Variants in MMP17 observed in about 807,000 individuals in gnomAD.
MMP17 encodes the protein matrix metallopeptidase 17, also known as matrix metalloproteinase-17.
A neutral mutation model predicts 49.1 loss-of-function variants in MMP17; 54 were observed. That is an observed-to-expected ratio of 1.10 (90% CI 0.88 to 1.38). The LOEUF is 1.38. Among genes scored for constraint, MMP17 ranks in the 40% most tolerant of loss-of-function variants. MMP17 has a pLI of 0.00. For synonymous variants in MMP17, 397 were observed against 383.1 expected (o/e 1.04, Z -0.42); for missense variants, 837 against 853.7 (o/e 0.98, Z 0.24).
chr12:131,834,823 CAG>C (rs1886997040), intron 1 of MMP17, among the ~76,000 whole-genome samples: 1 of 152,124 alleles, frequency 6.6e-6, no homozygotes, highest in South Asian at 2.1e-4. Flanking sequence ...AGCCAGGAAT[CAG>C]CCGCCCCCTC....
chr12:131,834,135 G>A (rs1166060385), intron 1 of MMP17, among the ~76,000 whole-genome samples: 1 of 152,220 alleles, frequency 6.6e-6, no homozygotes, highest in East Asian at 1.9e-4. Flanking sequence ...TCTGGCCTCT[G>A]TGTCCCCATC....
chr12:131,840,761 G>T lies in MMP17; in HGVS notation c.611G>T (p.Gly204Val). ...HNDGYPFDGP[G>V]GTVAHAFFPG... is the part of the protein sequence containing the mutation. ...GACGGCTACCCCTTCGACGGCCCCG[G>T]CGGCACCGTGGCCCACGCCTTCTTC... Residue 204 changes from glycine to valine, a missense_variant, in exon 4 of 10, where the codon GGC becomes GTC. Physicochemically the swap from Gly to Val is moderately radical, Grantham distance 109. Transcript: ENST00000360564. The T allele has an allele frequency of 6.2e-7, 1 of 1,604,620 alleles. No homozygotes were observed. The highest frequency in any genetic ancestry group is 8.5e-7 in the Non-Finnish European group (1 of 1,179,844).
chr12:131,850,978 C>A lies in MMP17; in HGVS notation c.1516C>A (p.Leu506Met). Reference protein sequence around the residue: ...QEYWKVLDGELEVAPGYPQST... With the variant: ...QEYWKVLDGEMEVAPGYPQST... The stretch of plus-strand genomic sequence containing the variant: ...GTACTGGAAAGTGCTGGATGGCGAG[C>A]TGGAGGTGGCACCCGGGTACCCACA... The change falls in exon 10 of 10, where the codon CTG becomes ATG. Residue 506 changes from leucine (L) to methionine (M), a missense_variant. Transcript: ENST00000360564. 1.3e-6 allele frequency: 2 copies of A among 1,555,438 alleles called. No individual in the cohort carries two copies. Among genetic ancestry groups the A allele is most frequent in the Non-Finnish European group, 1.7e-6 (2 of 1,152,632 alleles).
At chr12:131,839,209 G>A (rs145972252) in intron 3 of MMP17, among the ~76,000 whole-genome samples, 3 of 152,128 alleles carry the variant, frequency 2.0e-5, no homozygotes, top group Admixed American at 6.5e-5. Context: ...CCCTGTCCGC[G>A]CGCAGCCTCC....
At position 131,851,095 on chromosome 12, in the gene MMP17, C is replaced by T. The variant is rs1416392161; in HGVS notation, c.1633C>T (p.Pro545Ser). The change falls in exon 10 of 10, where the codon CCT becomes TCT. Residue 545 changes from proline (P) to serine (S), a missense_variant. By Grantham distance (74) the Pro-to-Ser change is moderately conservative (BLOSUM62 -1). Coordinates refer to ENST00000360564, the MANE Select transcript of MMP17 (RefSeq NM_016155.7). ...GVDAAEGPRAPPGQHDQSRSE... is the reference protein window; with the variant it reads ...GVDAAEGPRASPGQHDQSRSE... ...GGACGCGGCAGAGGGGCCCCGCGCC[C>T]CTCCAGGACAACATGACCAGAGCCG... 3 of 1,601,248 alleles carry T rather than the reference C, an allele frequency of 1.9e-6. No individual in the cohort carries two copies. The highest frequency in any genetic ancestry group is 3.4e-5 in the Admixed American group (2 of 58,298).
At chr12:131,840,540 C>A (rs757787969) in intron 3 of MMP17, 33 bp from the exon 4 acceptor site, 1 of 1,542,060 alleles carries the variant, frequency 6.5e-7, no homozygotes, top group South Asian at 1.2e-5. Context: ...GCCTGTTCTC[C>A]GTGACTCACT....
chr12:131,840,722 AGGCCGACCATAACGAC>A lies in MMP17; in HGVS notation c.576_591del (p.Asp193ThrfsTer59). ...GCCGACATCCAGATCGACTTCTCCAAGGCCGACCATAACGACGGCTACCCCTTCGACGGCCCCGGCG... is the reference window on the plus strand; with the variant it reads ...GCCGACATCCAGATCGACTTCTCCAAGGCTACCCCTTCGACGGCCCCGGCG... On this transcript the variant is annotated frameshift_variant, in exon 4 of 10. Coordinates refer to ENST00000360564, the MANE Select transcript of MMP17 (RefSeq NM_016155.7). LOFTEE classifies it high-confidence loss of function. The A allele has an allele frequency of 6.2e-7, 1 of 1,604,914 alleles. No individual in the cohort carries two copies. The highest frequency in any genetic ancestry group is 1.6e-4 in the Middle Eastern group (1 of 6,062).
intron 4 of MMP17, among the ~76,000 whole-genome samples, chr12:131,841,166 G>A (rs976774073): frequency 2.6e-5 from 4 of 152,206 alleles, no homozygotes; most frequent in South Asian, 2.1e-4. Flanking sequence ...TGTCACTCCC[G>A]CTAAGTCCCG....
rs1433003469 is a variant in MMP17, at chr12:131,845,117, G to A, written c.969-1G>A. The A allele has an allele frequency of 6.3e-7, 1 of 1,599,172 alleles. No homozygotes were observed. On this transcript the variant is annotated splice_acceptor_variant, in intron 6 of 9. Coordinates refer to ENST00000360564, the MANE Select transcript of MMP17 (RefSeq NM_016155.7). LOFTEE classifies it high-confidence loss of function. ...CAGCCCACCTGGCTCTCTCCCTGCA[G>A]GCCCAGGAAGGACGTGCCCCACAGA...
intron 2 of MMP17, 44 bp downstream of exon 2, chr12:131,838,371 G>A: frequency 1.2e-6 from 2 of 1,600,066 alleles, no homozygotes; most frequent in South Asian, 1.1e-5. Context: ...GCCCCCGTCA[G>A]GTCTGCGCCC....
chr12:131,830,701 TCAGAGCTGCAGA>T (rs913746608), intron 1 of MMP17, among the ~76,000 whole-genome samples: 30 of 152,190 alleles, frequency 2.0e-4, no homozygotes, highest in African/African-American at 6.7e-4. Context: ...CTCCTTTGTC[TCAGAGCTGCAGA>T]CAGAGCTGCA....
At chr12:131,842,438 C>T (rs563360723) in intron 5 of MMP17, among the ~76,000 whole-genome samples, 13 of 152,222 alleles carry the variant, frequency 8.5e-5, no homozygotes, top group Non-Finnish European at 1.3e-4. Context: ...GCTCTGACAT[C>T]CATGCATCGT....
chr12:131,845,222 C>A (rs373857133), intron 7 of MMP17, 22 bp downstream of exon 7: 1 of 1,613,898 alleles, frequency 6.2e-7, no homozygotes, highest in East Asian at 2.2e-5. Flanking sequence ...GTTCCCGTGG[C>A]GGTTGGCTGA....
chr12:131,834,303 C>T (rs949550566), intron 1 of MMP17, among the ~76,000 whole-genome samples: 1 of 152,196 alleles, frequency 6.6e-6, no homozygotes, highest in African/African-American at 2.4e-5. Context: ...CCGGCAGCCC[C>T]TCCCCCTCCC....
intron 6 of MMP17, chr12:131,844,721 C>A: frequency 7.4e-6 from 2 of 269,732 alleles, no homozygotes; most frequent in Non-Finnish European, 7.3e-6. Flanking sequence ...TGTCCCTGAC[C>A]TTCTGTCGCT....
intron 5 of MMP17, 134 bp downstream of exon 5, chr12:131,841,934 G>A: frequency 9.7e-7 from 1 of 1,031,966 alleles, no homozygotes; most frequent in Non-Finnish European, 1.4e-6. Flanking sequence ...CGTGCCAGCT[G>A]GGACGCTCTG....
intron 1 of MMP17, among the ~76,000 whole-genome samples, chr12:131,829,116 C>T (rs1006421751): frequency 6.6e-6 from 1 of 152,210 alleles, no homozygotes; most frequent in African/African-American, 2.4e-5. Context: ...GGGGGCACCC[C>T]GAAAGCCTTG....
rs533875432 is a variant in MMP17, at chr12:131,851,604, C to T, written c.*330C>T. The T allele has an allele frequency of 2.1e-5, 6 of 291,906 alleles. No individual in the cohort carries two copies. The highest frequency in any genetic ancestry group is 6.5e-5 in the African/African-American group (3 of 46,438). 18.1% of individuals were successfully genotyped at this position (291,906 alleles called of 1,614,324 possible). On this transcript the variant is annotated 3_prime_UTR_variant, in exon 10 of 10. Coordinates refer to ENST00000360564, the MANE Select transcript of MMP17 (RefSeq NM_016155.7). ...GGGGGCCCACCCCTCTCTGTGCCGG[C>T]GCCACCAACCCCACCCACACTGCTG... is the stretch of plus-strand genomic sequence containing the variant.
intron 1 of MMP17, among the ~76,000 whole-genome samples, chr12:131,835,603 G>T (rs1054606751): frequency 2.6e-5 from 4 of 152,202 alleles, no homozygotes; most frequent in East Asian, 1.9e-4. Context: ...CGGGAAGGCT[G>T]GGGGGTGAGT....
Sources: gnomAD v4.1 joint callset for allele counts (sites outside exome capture counted in the v4.1 genomes callset) on GRCh38, gnomAD v4.1.1 for gene constraint, MANE v1.5 for transcripts, NCBI Gene and HGNC (gene_info 2026-07-23, HGNC 2026-07-21) for gene names.